Variants in SAMD5 observed in about 807,000 individuals in gnomAD.
SAMD5 encodes the protein sterile alpha motif domain containing 5.
Under a neutral mutation model 11.3 loss-of-function variants are expected in SAMD5, and 13 were observed. The observed-to-expected ratio is 1.15, with a 90% confidence interval of 0.75 to 1.83. The LOEUF (loss-of-function observed/expected upper bound fraction) is 1.83, where lower values mean the gene tolerates loss of function less well. Ranked by LOEUF, SAMD5 falls within the 40% of genes most tolerant of loss-of-function variation. The pLI is 0.00. For missense variants in SAMD5, 255 were observed against 239.1 expected (o/e 1.07, Z -0.44); for synonymous variants, 129 against 111.3 (o/e 1.16, Z -1.00).
intron 1 of SAMD5, among the ~76,000 whole-genome samples, chr6:147,512,238 G>A (rs539063541): frequency 5.4e-4 from 82 of 152,288 alleles, no homozygotes; most frequent in African/African-American, 1.8e-3. Flanking sequence ...GATTACAAGT[G>A]AGCCACCGCA....
chr6:147,764,911 G>A, the SAMD5 span, among the ~76,000 whole-genome samples: 3 of 152,006 alleles, frequency 2.0e-5, no homozygotes, highest in Middle Eastern at 3.2e-3. Flanking sequence ...TTGTATGCAC[G>A]GTGGTTTGAT....
chr6:147,733,439 G>C (rs1291934166), intron 1 of SAMD5, among the ~76,000 whole-genome samples: 2 of 152,090 alleles, frequency 1.3e-5, no homozygotes. Context: ...CTGTGGTTTG[G>C]GGATTTGGAA....
At chr6:147,936,620 A>G in the SAMD5 span, among the ~76,000 whole-genome samples, 6,337 of 152,268 alleles carry the variant, frequency 0.042, 187 homozygotes, top group Non-Finnish European at 0.064. Flanking sequence ...TCAATTCAAC[A>G]TGAGATTTGG....
At chr6:147,786,970 A>C in the SAMD5 span, among the ~76,000 whole-genome samples, 1 of 152,346 alleles carries the variant, frequency 6.6e-6, no homozygotes, top group South Asian at 2.1e-4. Context: ...AATACTTTGC[A>C]TACAGAATTA....
At chr6:147,700,009 A>G (rs1791229398) in intron 1 of SAMD5, among the ~76,000 whole-genome samples, 1 of 152,228 alleles carries the variant, frequency 6.6e-6, no homozygotes, top group Non-Finnish European at 1.5e-5. Context: ...TCAGTGCCAA[A>G]TGCTGATAGT....
intron 1 of SAMD5, among the ~76,000 whole-genome samples, chr6:147,614,587 A>T (rs1789838297): frequency 6.6e-6 from 1 of 152,028 alleles, no homozygotes; most frequent in Non-Finnish European, 1.5e-5. Context: ...AGAAACTCAT[A>T]TGATCCCATG....
chr6:147,542,538 G>A (rs1788623468), intron 1 of SAMD5, among the ~76,000 whole-genome samples: 1 of 152,288 alleles, frequency 6.6e-6, no homozygotes, highest in South Asian at 2.1e-4. Flanking sequence ...GGAAGCCAGT[G>A]AGCCAGGAGT....
chr6:147,630,728 C>T (rs1451171521), intron 1 of SAMD5, among the ~76,000 whole-genome samples: 1 of 152,190 alleles, frequency 6.6e-6, no homozygotes, highest in African/African-American at 2.4e-5. Flanking sequence ...GTTTGGTGGT[C>T]TCTTCACACA....
At chr6:147,917,638 T>C in the SAMD5 span, among the ~76,000 whole-genome samples, 1 of 152,192 alleles carries the variant, frequency 6.6e-6, no homozygotes, top group African/African-American at 2.4e-5. Flanking sequence ...TGCCCATGCC[T>C]ATGTCCTGAA....
chr6:147,645,063 C>T (rs535200095), intron 1 of SAMD5, among the ~76,000 whole-genome samples: 188 of 152,184 alleles, frequency 1.2e-3, no homozygotes, highest in Non-Finnish European at 2.2e-3. Flanking sequence ...GCAGGATGCC[C>T]GCTTCTTAAG....
chr6:147,817,112 C>T, the SAMD5 span, among the ~76,000 whole-genome samples: 4 of 152,198 alleles, frequency 2.6e-5, no homozygotes, highest in Non-Finnish European at 5.9e-5. Flanking sequence ...TGCCAGGCTT[C>T]CCTTTTTTCA....
At chr6:147,952,858 G>T in the SAMD5 span, among the ~76,000 whole-genome samples, 61 of 152,202 alleles carry the variant, frequency 4.0e-4, 1 homozygote, top group Middle Eastern at 3.4e-3. Context: ...ATAAAACTTG[G>T]AGAGACCTAC....
At chr6:147,779,077 C>T in the SAMD5 span, among the ~76,000 whole-genome samples, 1 of 151,692 alleles carries the variant, frequency 6.6e-6, no homozygotes, top group Non-Finnish European at 1.5e-5. Context: ...ATGTTAGACA[C>T]TTTCCTGCTA....
chr6:147,782,566 T>G, the SAMD5 span, among the ~76,000 whole-genome samples: 1 of 152,214 alleles, frequency 6.6e-6, no homozygotes, highest in Admixed American at 6.5e-5. Context: ...GTGGGAATTA[T>G]TCTCCTGCAG....
At chr6:147,618,045 A>G (rs1204938520) in intron 1 of SAMD5, among the ~76,000 whole-genome samples, 2 of 152,228 alleles carry the variant, frequency 1.3e-5, no homozygotes, top group Non-Finnish European at 2.9e-5. Context: ...AGCTTAGAAT[A>G]TACTCCAACA....
the SAMD5 span, among the ~76,000 whole-genome samples, chr6:147,890,649 G>A: frequency 6.6e-6 from 1 of 152,020 alleles, no homozygotes; most frequent in African/African-American, 2.4e-5. Flanking sequence ...TTGAGCCACT[G>A]TGCCAGGCCT....
At position 147,509,369 on chromosome 6, in the gene SAMD5, G is replaced by GC. The variant is rs766186733; in HGVS notation, c.446dup (p.Tyr150ValfsTer57). 6.4e-7 allele frequency: 1 copy of GC among 1,564,430 alleles called. No homozygotes were observed. Among genetic ancestry groups the GC allele is most frequent in the Non-Finnish European group, 8.6e-7 (1 of 1,156,722 alleles). ...TCCGTGACGGCATCCACCTGAGCAA[G>GC]CCCCCGTACTCCCGCAAGGTAAGGA... On this transcript the variant is annotated frameshift_variant, in exon 1 of 2. Coordinates refer to ENST00000367474, the MANE Select transcript of SAMD5 (RefSeq NM_001030060.3). LOFTEE classifies it high-confidence loss of function.
intron 1 of SAMD5, among the ~76,000 whole-genome samples, chr6:147,624,200 A>G (rs1194866914): frequency 6.6e-6 from 1 of 152,200 alleles, no homozygotes; most frequent in African/African-American, 2.4e-5. Context: ...AATGGAGAGT[A>G]AATAATCTAG....
the SAMD5 span, among the ~76,000 whole-genome samples, chr6:147,914,324 GA>G: frequency 6.6e-6 from 1 of 151,998 alleles, no homozygotes; most frequent in Non-Finnish European, 1.5e-5. Context: ...GATGCTAAAA[GA>G]AAACAGACAA....
Sources: allele counts gnomAD v4.1 joint callset (sites outside exome capture counted in the v4.1 genomes callset), GRCh38; gene constraint gnomAD v4.1.1; transcripts MANE v1.5; gene names NCBI Gene and HGNC (gene_info 2026-07-23, HGNC 2026-07-21).